VPS13A: variants seen among roughly 807,000 people sequenced by gnomAD.
VPS13A encodes the protein vacuolar protein sorting 13 homolog A.
Under a neutral mutation model 390.9 loss-of-function variants are expected in VPS13A, and 264 were observed. That is an observed-to-expected ratio of 0.68 (90% CI 0.61 to 0.75). VPS13A has a LOEUF of 0.75. Ranked by LOEUF, VPS13A falls within the 30% of genes least tolerant of loss-of-function variation. The probability of loss-of-function intolerance (pLI) is 0.00; values close to 1 mark genes in which losing one functional copy is unlikely to be tolerated. For synonymous variants in VPS13A, 1,231 were observed against 1,227.1 expected, an observed-to-expected ratio of 1.00 and a Z score of -0.07; for missense variants, 3,409 against 3,733.9, an observed-to-expected ratio of 0.91 and a Z score of 2.27.
intron 23 of VPS13A, among the ~76,000 whole-genome samples, chr9:77,269,296 A>C (rs1347080641): frequency 6.6e-6 from 1 of 151,970 alleles, no homozygotes. Flanking sequence ...GCACTTAGTT[A>C]TTTCCATTTT....
At chr9:77,193,290 C>T (rs188293203) in intron 1 of VPS13A, among the ~76,000 whole-genome samples, 49 of 152,222 alleles carry the variant, frequency 3.2e-4, no homozygotes, top group Non-Finnish European at 6.5e-4. Flanking sequence ...AACTTTCTCC[C>T]GAATTTCGGT....
At chr9:77,354,347 T>C (rs893689400) in intron 54 of VPS13A, among the ~76,000 whole-genome samples, 1 of 152,048 alleles carries the variant, frequency 6.6e-6, no homozygotes, top group Non-Finnish European at 1.5e-5. Context: ...TCAATGCCAT[T>C]TTAAAAGGAA....
intron 34 of VPS13A, among the ~76,000 whole-genome samples, chr9:77,305,337 A>G (rs903546698): frequency 1.3e-5 from 2 of 152,230 alleles, no homozygotes; most frequent in African/African-American, 4.8e-5. Context: ...GCTTTAACTT[A>G]CAGGGTAGGA....
At chr9:77,379,013 A>G (rs951034827) in intron 67 of VPS13A, among the ~76,000 whole-genome samples, 1 of 126,418 alleles carries the variant, frequency 7.9e-6, no homozygotes, top group Non-Finnish European at 1.7e-5. Flanking sequence ...TTATTTACAC[A>G]TTTCTAGTTT....
intron 1 of VPS13A, among the ~76,000 whole-genome samples, chr9:77,189,553 C>A (rs148064377): frequency 8.5e-4 from 129 of 152,100 alleles, no homozygotes; most frequent in African/African-American, 2.2e-3. Context: ...AGGCTTTATT[C>A]TTTTGGTTTA....
chr9:77,407,473 T>C, intron 70 of VPS13A, 60 bp from the exon 71 acceptor site: 1 of 1,405,308 alleles, frequency 7.1e-7, no homozygotes, highest in Non-Finnish European at 1.0e-6. Flanking sequence ...TTGTGGCATT[T>C]CTTTATGGAT....
At chr9:77,205,493 T>A (rs935990555) in intron 4 of VPS13A, 85 bp downstream of exon 4, 1 of 599,914 alleles carries the variant, frequency 1.7e-6, no homozygotes, top group Non-Finnish European at 2.5e-6. Flanking sequence ...CTTTTGGAAT[T>A]TTTTTGAGAT....
intron 68 of VPS13A, among the ~76,000 whole-genome samples, chr9:77,395,086 A>G (rs1834067349): frequency 1.3e-5 from 2 of 152,234 alleles, no homozygotes; most frequent in African/African-American, 2.4e-5. Flanking sequence ...TTTCCTTTGC[A>G]TTCAAGATTG....
In VPS13A at chr9:77,416,919, G is replaced by A. The variant is rs933177413; in HGVS notation, c.*913G>A. On this transcript the variant is annotated 3_prime_UTR_variant, in exon 72 of 72. Coordinates refer to ENST00000360280, the MANE Select transcript of VPS13A (RefSeq NM_033305.3). Reference sequence around the variant, plus strand: ...ACAGTCCCTCTCATATAAAGTTTATGTACCCTAAAATCTAACCCAATAACC... The same window carrying A: ...ACAGTCCCTCTCATATAAAGTTTATATACCCTAAAATCTAACCCAATAACC... 2.6e-5 allele frequency: 4 copies of A among 152,560 alleles called. No individual in the cohort carries two copies. The highest frequency in any genetic ancestry group is 9.7e-5 in the African/African-American group (4 of 41,436). The allele number at this position is 152,560 out of a possible 1,614,324, so 9.5% of individuals were successfully genotyped here. A position where few individuals can be genotyped will look rare whatever the true frequency, so the allele number is the denominator to read the frequency against.
chr9:77,332,035 T>C lies in VPS13A; in HGVS notation c.6017T>C (p.Leu2006Pro). 1 of 1,611,462 alleles carries C rather than the reference T, an allele frequency of 6.2e-7. No homozygotes were observed. The highest frequency in any genetic ancestry group is 1.1e-5 in the South Asian group (1 of 90,922). ...ATAAGAAATCATTTTTCAGTCCCAC[T>C]GTCTGTTTACGAAGGGGATACCTTA... ...VQIRNHFSVP[L>P]SVYEGDTLLG... The change falls in exon 46 of 72, where the codon CTG (leucine) becomes CCG (proline). Residue 2006 changes from leucine (L) to proline (P), a missense_variant. By Grantham distance (98) the Leu-to-Pro change is moderately conservative. This residue lies in a region of VPS13A where 2,717 missense variants were observed against 2,917.4 expected (regional missense o/e 0.93). Coordinates refer to ENST00000360280, the MANE Select transcript of VPS13A (RefSeq NM_033305.3).
chr9:77,394,709 C>T (rs186578617), intron 68 of VPS13A, among the ~76,000 whole-genome samples: 1 of 152,294 alleles, frequency 6.6e-6, no homozygotes, highest in Admixed American at 6.5e-5. Flanking sequence ...TTTAGTGTAG[C>T]CACTGTCATC....
chr9:77,406,940 T>C (rs1834640808), intron 70 of VPS13A, among the ~76,000 whole-genome samples: 1 of 152,020 alleles, frequency 6.6e-6, no homozygotes, highest in Non-Finnish European at 1.5e-5. Flanking sequence ...ACAGTCCCAC[T>C]CCCCACTACC....
At chr9:77,351,151 A>T in intron 52 of VPS13A, 166 bp from the exon 53 acceptor site, 1 of 752,504 alleles carries the variant, frequency 1.3e-6, no homozygotes, top group Non-Finnish European at 2.1e-6. Context: ...AATATTCATT[A>T]GTGAACCCTT....
At chr9:77,320,794 G>A (rs1232591726) in intron 42 of VPS13A, among the ~76,000 whole-genome samples, 1 of 151,922 alleles carries the variant, frequency 6.6e-6, no homozygotes, top group African/African-American at 2.4e-5. Flanking sequence ...AAGTCTCTAG[G>A]TTTCTGTTCT....
chr9:77,197,758 A>G (rs772893454), intron 1 of VPS13A, among the ~76,000 whole-genome samples: 2 of 152,204 alleles, frequency 1.3e-5, no homozygotes, highest in African/African-American at 4.8e-5. Context: ...AGATAATTTT[A>G]TACAATATTT....
At chr9:77,406,038 T>G in intron 70 of VPS13A, 51 bp downstream of exon 70, 1 of 1,606,146 alleles carries the variant, frequency 6.2e-7, no homozygotes, top group Admixed American at 1.7e-5. Context: ...AAATAATGCT[T>G]TGAAGTAGTC....
intron 71 of VPS13A, among the ~76,000 whole-genome samples, chr9:77,408,286 T>TATCA (rs1834726736): frequency 6.6e-6 from 1 of 151,850 alleles, no homozygotes; most frequent in Non-Finnish European, 1.5e-5. Flanking sequence ...GTACTCATTA[T>TATCA]ATCATGAAAC....
intron 68 of VPS13A, 35 bp from the exon 69 acceptor site, chr9:77,403,201 C>G: frequency 6.7e-7 from 1 of 1,499,520 alleles, no homozygotes; most frequent in Non-Finnish European, 9.3e-7. Context: ...GAAATACTAT[C>G]AATTTTCTCA....
chr9:77,373,078 T>G, intron 67 of VPS13A, among the ~76,000 whole-genome samples: 1 of 152,184 alleles, frequency 6.6e-6, no homozygotes, highest in South Asian at 2.1e-4. Context: ...ATTTACAGAT[T>G]CAGTGCTATC....
Sources: allele counts gnomAD v4.1 joint callset (sites outside exome capture counted in the v4.1 genomes callset), GRCh38; gene constraint gnomAD v4.1.1; regional missense constraint gnomAD v4.1.1; transcripts MANE v1.5; gene names NCBI Gene and HGNC (gene_info 2026-07-23, HGNC 2026-07-21).